RNASE10: variants seen among roughly 807,000 people sequenced by gnomAD.
The protein encoded by RNASE10 is inactive ribonuclease-like protein 10.
In RNASE10, 2 loss-of-function variants were observed where a neutral mutation model predicts 1.1. The ratio of observed to expected loss-of-function variants is 1.82; its 90% CI spans 0.74 to 5.73. The LOEUF (loss-of-function observed/expected upper bound fraction) is 5.73, where lower values mean the gene tolerates loss of function less well. Ranked by LOEUF, RNASE10 falls within the 30% of genes most tolerant of loss-of-function variation. The pLI, the probability that RNASE10 is intolerant of heterozygous loss-of-function variation, is 0.05. For synonymous variants in RNASE10, 97 were observed against 96.2 expected, an observed-to-expected ratio of 1.01 and a Z score of -0.05; for missense variants, 276 against 263.4, an observed-to-expected ratio of 1.05 and a Z score of -0.33.
rs1157344751 is a variant in RNASE10 at position 20,511,043 on chromosome 14, A to AT, written c.658dup (p.Tyr220LeufsTer15). The AT allele has an allele frequency of 8.4e-6, 13 of 1,542,842 alleles. No individual in the cohort carries two copies. The highest frequency in any genetic ancestry group is 1.0e-5 in the Non-Finnish European group (12 of 1,144,178). On this transcript the variant is annotated frameshift_variant, in exon 2 of 2. Coordinates refer to ENST00000430083, the Ensembl canonical transcript of RNASE10. LOFTEE classifies it low-confidence loss of function (END_TRUNC). ...CCAGACCAGGTCACTCCTAACTGCAATTACCTAACTTCTGTTATAAAAAAG... is the reference window on the plus strand; with the variant it reads ...CCAGACCAGGTCACTCCTAACTGCAATTTACCTAACTTCTGTTATAAAAAAG...
Position 20,510,781 on chromosome 14 carries a change from CA to C in RNASE10, c.395del (p.Gln132ArgfsTer19). ...GATGCTCAGAGCCTCAGCTCTCTTT[CA>C]GAGCAACAAAGACTATCTTAGGCTT... is the stretch of plus-strand genomic sequence containing the variant. On this transcript the variant is annotated frameshift_variant, in exon 2 of 2. Transcript: ENST00000430083. LOFTEE classifies it low-confidence loss of function (END_TRUNC). 6.2e-7 allele frequency: 1 copy of C among 1,614,178 alleles called. No homozygotes were observed. Among genetic ancestry groups the C allele is most frequent in the Non-Finnish European group, 8.5e-7 (1 of 1,180,028 alleles).
At chr14:20,507,014 C>T (rs1258173049) in intron 1 of RNASE10, among the ~76,000 whole-genome samples, 2 of 150,950 alleles carry the variant, frequency 1.3e-5, no homozygotes, top group African/African-American at 2.5e-5. Context: ...CCCGCCCGGC[C>T]AGCCGCCCTG....
At chr14:20,507,328 T>C (rs1193527955) in intron 1 of RNASE10, among the ~76,000 whole-genome samples, 18 of 132,922 alleles carry the variant, frequency 1.4e-4, no homozygotes, top group East Asian at 4.0e-4. Flanking sequence ...AACCCTGTGC[T>C]CTCTGAAACA....
intron 1 of RNASE10, among the ~76,000 whole-genome samples, chr14:20,510,202 T>C (rs954224379): frequency 6.6e-6 from 1 of 152,068 alleles, no homozygotes; most frequent in Non-Finnish European, 1.5e-5. Context: ...CAGAACTGCT[T>C]CCCTTGGTCA....
At chr14:20,505,151 G>A (rs1207729303), upstream of RNASE10, among the ~76,000 whole-genome samples, 1 of 151,324 alleles carries the variant, frequency 6.6e-6, no homozygotes, top group Non-Finnish European at 1.5e-5. Context: ...GAGCTCCAGT[G>A]CCAGACAAGA....
At chr14:20,511,377 G>A (rs931955254), downstream of RNASE10, among the ~76,000 whole-genome samples, 16 of 152,158 alleles carry the variant, frequency 1.1e-4, no homozygotes, top group African/African-American at 3.6e-4. Flanking sequence ...GCTGTAGTCC[G>A]TACTGTAGTC....
At chr14:20,510,174 C>T (rs1882856544) in intron 1 of RNASE10, among the ~76,000 whole-genome samples, 2 of 151,904 alleles carry the variant, frequency 1.3e-5, no homozygotes, top group South Asian at 2.1e-4. Context: ...TCACTGATTT[C>T]CCATATGTAA....
exon 2 of RNASE10, chr14:20,510,550 C>T: frequency 6.2e-7 from 1 of 1,614,170 alleles, no homozygotes; most frequent in Non-Finnish European, 8.5e-7. Flanking sequence ...GGGGTTGGGA[C>T]TTCATATGGC....
At chr14:20,511,100 G>A (rs770158131) in exon 2 of RNASE10, 45 of 1,494,316 alleles carry the variant, frequency 3.0e-5, no homozygotes, top group African/African-American at 2.0e-4. Context: ...GACATGAAGC[G>A]CCAGTTACCA....
intron 1 of RNASE10, among the ~76,000 whole-genome samples, chr14:20,509,585 A>T (rs549459364): frequency 1.3e-5 from 2 of 152,322 alleles, no homozygotes; most frequent in African/African-American, 4.8e-5. Flanking sequence ...GTAAGAATGG[A>T]CTGTGGTACT....
chr14:20,511,104 G>A (rs1882889950), exon 2 of RNASE10: 1 of 1,493,606 alleles, frequency 6.7e-7, no homozygotes, highest in Non-Finnish European at 8.9e-7. Flanking sequence ...TGAAGCGCCA[G>A]TTACCAACTG....
At chr14:20,507,581 C>T (rs1882779935) in intron 1 of RNASE10, among the ~76,000 whole-genome samples, 1 of 137,286 alleles carries the variant, frequency 7.3e-6, no homozygotes, top group South Asian at 2.3e-4. Flanking sequence ...CCAAATCCCC[C>T]TCTGCGAGAA....
rs1014429676 is a variant in RNASE10, at chr14:20,510,519, G to C, written c.132G>C (p.Leu44=). The change falls in exon 2 of 2, where the codon CTG becomes CTC. Residue 44 remains leucine (L), a synonymous_variant. Transcript: ENST00000430083. ...TCTTTTTCATGTTGCTGATGCTGCT[G>C]CTGGGCCTGGGGATGGGCCTGGGGT... 6 of 1,613,762 alleles carry C rather than the reference G, an allele frequency of 3.7e-6. No homozygotes were observed. In the African/African-American group the frequency reaches 8.0e-5, roughly 22 times the overall value.
upstream of RNASE10, among the ~76,000 whole-genome samples, chr14:20,505,217 C>G (rs1180608020): frequency 7.0e-6 from 1 of 143,630 alleles, no homozygotes; most frequent in Non-Finnish European, 1.5e-5. Context: ...TTAGAAACCC[C>G]AAAAGAATAT....
At chr14:20,508,961 A>C (rs1882826614) in intron 1 of RNASE10, among the ~76,000 whole-genome samples, 1 of 152,052 alleles carries the variant, frequency 6.6e-6, no homozygotes, top group Non-Finnish European at 1.5e-5. Flanking sequence ...TGCCTCAATA[A>C]TGTTCTTCAT....
At chr14:20,506,728 C>T (rs1408966788) in intron 1 of RNASE10, among the ~76,000 whole-genome samples, 1 of 132,058 alleles carries the variant, frequency 7.6e-6, no homozygotes, top group African/African-American at 2.9e-5. Flanking sequence ...GGGTCAGCCC[C>T]CCGCCCGGCC....
At chr14:20,511,252 C>A, downstream of RNASE10, 2 of 697,676 alleles carry the variant, frequency 2.9e-6, no homozygotes, top group Non-Finnish European at 4.3e-6. Flanking sequence ...ATGGGTCACC[C>A]AACTTGCATT....
intron 1 of RNASE10, among the ~76,000 whole-genome samples, chr14:20,507,121 G>C (rs1308774192): frequency 5.9e-4 from 88 of 149,058 alleles, no homozygotes; most frequent in Non-Finnish European, 1.3e-4. Context: ...TGTGCCCAGC[G>C]GCTCATTGGG....
Position 20,510,519 on chromosome 14 carries a change from GC to G in RNASE10, c.133del (p.Leu45TrpfsTer106), listed in dbSNP as rs1268425298. 2.5e-6 allele frequency: 4 copies of G among 1,613,762 alleles called. No homozygotes were observed. In the African/African-American group the frequency reaches 5.3e-5, roughly 22 times the overall value. On this transcript the variant is annotated frameshift_variant, in exon 2 of 2. Transcript: ENST00000430083. LOFTEE classifies it low-confidence loss of function (END_TRUNC). ...TCTTTTTCATGTTGCTGATGCTGCT[GC>G]TGGGCCTGGGGATGGGCCTGGGGTT... is the stretch of plus-strand genomic sequence containing the variant.
Sources: allele counts gnomAD v4.1 joint callset (sites outside exome capture counted in the v4.1 genomes callset), GRCh38; gene constraint gnomAD v4.1.1; transcripts MANE v1.5; gene names NCBI Gene and HGNC (gene_info 2026-07-23, HGNC 2026-07-21).